CNTN5: variants seen among roughly 807,000 people sequenced by gnomAD.
CNTN5 encodes the protein contactin 5.
CNTN5 carries 77 observed loss-of-function variants against 129.1 expected under a neutral mutation model. The observed-to-expected ratio is 0.60, with a 90% CI of 0.50 to 0.72. The LOEUF is 0.72. CNTN5 is among the 30% of genes least tolerant of loss of function. The pLI is 0.00. For missense variants in CNTN5, 1,478 were observed against 1,328.8 expected (o/e 1.11, Z -1.75); for synonymous variants, 509 against 465.6 (o/e 1.09, Z -1.20).
chr11:99,166,450 G>A (rs956817118), intron 1 of CNTN5, among the ~76,000 whole-genome samples: 4 of 150,326 alleles, frequency 2.7e-5, no homozygotes, highest in Non-Finnish European at 5.9e-5. Context: ...AAGGGTTTGA[G>A]CATAGTGTAA....
chr11:99,748,691 A>G (rs755583239), intron 3 of CNTN5, among the ~76,000 whole-genome samples: 14 of 152,162 alleles, frequency 9.2e-5, no homozygotes, highest in Non-Finnish European at 1.8e-4. Flanking sequence ...ACCTGGAACA[A>G]TTATATTCGA....
chr11:100,239,418 G>T (rs1171161471), intron 16 of CNTN5, among the ~76,000 whole-genome samples: 1 of 152,004 alleles, frequency 6.6e-6, no homozygotes, highest in Non-Finnish European at 1.5e-5. Context: ...CTATGTAATA[G>T]TCATCAGGTT....
chr11:99,910,597 A>C (rs10894150), intron 6 of CNTN5, among the ~76,000 whole-genome samples: 20,094 of 152,108 alleles, frequency 0.13, 1,704 homozygotes, highest in Non-Finnish European at 0.19. Context: ...AAACTTTAGA[A>C]TCAATCACAT....
chr11:100,326,620 A>AAACAG (rs1951792558), intron 21 of CNTN5, among the ~76,000 whole-genome samples: 4 of 152,190 alleles, frequency 2.6e-5, no homozygotes, highest in African/African-American at 9.7e-5. Context: ...TGCCCTTTAT[A>AAACAG]TTTCAACTGT....
At chr11:99,543,051 A>G (rs1298061334) in intron 2 of CNTN5, among the ~76,000 whole-genome samples, 2 of 152,114 alleles carry the variant, frequency 1.3e-5, no homozygotes, top group Non-Finnish European at 2.9e-5. Context: ...TATTAAATTT[A>G]TCCTTGATAT....
At chr11:100,207,097 G>A (rs1565342519) in intron 15 of CNTN5, among the ~76,000 whole-genome samples, 2 of 152,098 alleles carry the variant, frequency 1.3e-5, no homozygotes, top group Non-Finnish European at 2.9e-5. Context: ...GACCAGGCCA[G>A]TGTCACCCTT....
intron 3 of CNTN5, among the ~76,000 whole-genome samples, chr11:99,736,097 A>AGATT (rs1487601389): frequency 6.6e-6 from 1 of 150,608 alleles, no homozygotes; most frequent in African/African-American, 2.4e-5. Context: ...TGAAATTACG[A>AGATT]GATTGGTAGA....
intron 2 of CNTN5, among the ~76,000 whole-genome samples, chr11:99,470,671 G>A (rs142464612): frequency 2.0e-5 from 3 of 152,046 alleles, no homozygotes; most frequent in East Asian, 3.9e-4. Flanking sequence ...CCCCAAAGAG[G>A]CATCAAACTT....
At chr11:99,234,491 ATTATGTAATTTCACCCATAATCTG>A (rs1861166862) in intron 1 of CNTN5, among the ~76,000 whole-genome samples, 1 of 151,110 alleles carries the variant, frequency 6.6e-6, no homozygotes, top group Non-Finnish European at 1.5e-5. Flanking sequence ...ATTAAGTTCT[ATTATGTAATTTCACCCATAATCTG>A]ATATGTATAC....
intron 1 of CNTN5, among the ~76,000 whole-genome samples, chr11:99,269,320 A>G (rs77100294): frequency 0.093 from 14,068 of 151,752 alleles, 699 homozygotes; most frequent in Middle Eastern, 0.12. Flanking sequence ...TTAATGATAT[A>G]TACATGACAT....
intron 16 of CNTN5, among the ~76,000 whole-genome samples, chr11:100,232,359 G>A (rs944172824): frequency 6.6e-6 from 1 of 152,030 alleles, no homozygotes; most frequent in South Asian, 2.1e-4. Context: ...AGAGGAAGGA[G>A]AAAATGGACA....
intron 3 of CNTN5, among the ~76,000 whole-genome samples, chr11:99,609,300 A>G (rs1191088418): frequency 1.3e-5 from 2 of 152,164 alleles, no homozygotes; most frequent in African/African-American, 2.4e-5. Flanking sequence ...GTGGCAAGCA[A>G]TTATTCTGAG....
At position 99,464,226 on chromosome 11, in the gene CNTN5, C is replaced by T. The variant is rs192616146; in HGVS notation, c.-70-91919C>T. On this transcript the variant is annotated intron_variant, in intron 2 of 24. Coordinates refer to ENST00000524871, the MANE Select transcript of CNTN5 (RefSeq NM_014361.4). ...GGGAGTATCTTATGCTGCCTTTGAA[C>T]GTAATCACAATTTTTTGAAGTGTGC... Among the ~76,000 whole-genome samples the T allele has an allele frequency of 9.2e-5, 14 of 152,220 alleles. No homozygotes were observed. In the East Asian group the frequency reaches 1.9e-3, roughly 21 times the overall value.
chr11:99,971,945 T>C (rs1456184571), intron 8 of CNTN5, among the ~76,000 whole-genome samples: 4 of 148,730 alleles, frequency 2.7e-5, no homozygotes, highest in Admixed American at 2.7e-4. Flanking sequence ...TGACAATGCT[T>C]AAGAAAAAAA....
chr11:99,060,687 T>C (rs10790437), intron 1 of CNTN5, among the ~76,000 whole-genome samples: 70,696 of 151,742 alleles, frequency 0.47, 16,827 homozygotes, highest in African/African-American at 0.49. Flanking sequence ...ACTCAGACAA[T>C]GCATCATTTT....
intron 1 of CNTN5, among the ~76,000 whole-genome samples, chr11:99,096,511 A>G (rs1050796098): frequency 1.3e-5 from 2 of 151,868 alleles, no homozygotes; most frequent in Non-Finnish European, 2.9e-5. Flanking sequence ...CTATGATTGC[A>G]TAGATTTCAA....
intron 23 of CNTN5, among the ~76,000 whole-genome samples, chr11:100,347,236 C>G (rs1296284106): frequency 6.6e-6 from 1 of 152,092 alleles, no homozygotes; most frequent in Non-Finnish European, 1.5e-5. Context: ...TACATACCCA[C>G]TAGAACTTTG....
intron 2 of CNTN5, among the ~76,000 whole-genome samples, chr11:99,502,693 A>C (rs1004070653): frequency 3.9e-5 from 6 of 152,188 alleles, no homozygotes; most frequent in African/African-American, 1.4e-4. Context: ...ATGAACTAAT[A>C]CACCCCAACA....
At chr11:99,393,008 C>T (rs1471495084) in intron 2 of CNTN5, among the ~76,000 whole-genome samples, 2 of 151,688 alleles carry the variant, frequency 1.3e-5, no homozygotes, top group African/African-American at 2.4e-5. Flanking sequence ...TTGGAGAAGA[C>T]ACATGTACAA....
Sources: gnomAD v4.1 joint callset for allele counts (sites outside exome capture counted in the v4.1 genomes callset) on GRCh38, gnomAD v4.1.1 for gene constraint, MANE v1.5 for transcripts, NCBI Gene and HGNC (gene_info 2026-07-23, HGNC 2026-07-21) for gene names.